Variants in KCNMA1 observed in about 807,000 individuals in gnomAD.
The protein encoded by KCNMA1 is potassium calcium-activated channel subfamily M alpha 1.
A neutral mutation model predicts 140.0 loss-of-function variants in KCNMA1; 29 were observed. That is an observed-to-expected ratio of 0.21 (90% confidence interval 0.15 to 0.28). The LOEUF is 0.28. Ranked by LOEUF, KCNMA1 falls within the 10% of genes least tolerant of loss-of-function variation. The pLI is 1.00. For missense variants in KCNMA1, 880 were observed against 1,602.2 expected, an observed-to-expected ratio of 0.55 and a Z score of 7.70; for synonymous variants, 612 against 611.9, an observed-to-expected ratio of 1.00 and a Z score of 0.00.
chr10:77,578,405 C>T (rs1447590830), intron 1 of KCNMA1, among the ~76,000 whole-genome samples: 1 of 152,162 alleles, frequency 6.6e-6, no homozygotes, highest in Non-Finnish European at 1.5e-5. Context: ...CCTTCTTGGC[C>T]GGAAAATCCC....
At chr10:77,269,418 C>T (rs1167777147) in intron 2 of KCNMA1, among the ~76,000 whole-genome samples, 1 of 152,194 alleles carries the variant, frequency 6.6e-6, no homozygotes, top group Non-Finnish European at 1.5e-5. Flanking sequence ...CCTGCACCCC[C>T]ATCTGCTGTA....
chr10:77,568,284 G>A (rs941282068), intron 1 of KCNMA1, among the ~76,000 whole-genome samples: 6 of 152,164 alleles, frequency 3.9e-5, no homozygotes, highest in South Asian at 2.1e-4. Flanking sequence ...ACAACAAAAA[G>A]AGAGAATTTT....
intron 5 of KCNMA1, among the ~76,000 whole-genome samples, chr10:77,159,522 C>G (rs1053069437): frequency 1.3e-5 from 2 of 152,140 alleles, no homozygotes; most frequent in Non-Finnish European, 2.9e-5. Flanking sequence ...TCTGTTCAGT[C>G]TCAGGTGGAA....
At chr10:77,122,561 A>T (rs1388801448) in intron 5 of KCNMA1, among the ~76,000 whole-genome samples, 1 of 152,126 alleles carries the variant, frequency 6.6e-6, no homozygotes, top group Non-Finnish European at 1.5e-5. Flanking sequence ...AGGGAGAAAA[A>T]AAAAAGATGA....
In KCNMA1 at chr10:77,061,766, T is replaced by C. The variant is rs370216024; in HGVS notation, c.1749+11331A>G. 1.6e-4 allele frequency among the ~76,000 whole-genome samples: 24 copies of C among 152,366 alleles called. No homozygotes were observed. The East Asian group carries it at 2.7e-3, about 17-fold the overall frequency. On this transcript the variant is annotated intron_variant, in intron 14 of 27. Transcript: ENST00000286628. ...TGGAGGAAAACTAAATGGTGTCCAA[T>C]GGATGAATGGATAAACAAACTGGTA...
In KCNMA1 at chr10:76,953,882, G is replaced by A. The variant is rs770872234; in HGVS notation, c.2403C>T (p.Asn801=). 6.2e-7 allele frequency: 1 copy of A among 1,614,040 alleles called. No individual in the cohort carries two copies. Among genetic ancestry groups the A allele is most frequent in the Non-Finnish European group, 8.5e-7 (1 of 1,179,888 alleles). Residue 801 remains asparagine (N), a synonymous_variant, in exon 21 of 28, where the codon AAC becomes AAT. Transcript: ENST00000286628. ...CGTACTTCTTCACATTGGAGTCCAT[G>A]TTGTCAATCTGATCATTGCCAGGAA... The part of the protein sequence containing the change: ...LLIPGNDQID[N]MDSNVKKYDS...
intron 14 of KCNMA1, among the ~76,000 whole-genome samples, chr10:77,053,031 T>G (rs2095426456): frequency 6.6e-6 from 1 of 152,214 alleles, no homozygotes; most frequent in South Asian, 2.1e-4. Context: ...GTTGCATTTC[T>G]AGAATGTTTT....
intron 2 of KCNMA1, among the ~76,000 whole-genome samples, chr10:77,252,595 C>T (rs901954994): frequency 6.6e-6 from 1 of 150,882 alleles, no homozygotes; most frequent in Non-Finnish European, 1.5e-5. Flanking sequence ...GAGACAGAAT[C>T]TCTCTCTTTT....
intron 14 of KCNMA1, among the ~76,000 whole-genome samples, chr10:77,050,567 T>G (rs767640515): frequency 6.6e-6 from 1 of 152,222 alleles, no homozygotes. Context: ...TACTTTGATA[T>G]GCACGTATGT....
At chr10:76,958,140 GT>G (rs1182781832) in intron 20 of KCNMA1, among the ~76,000 whole-genome samples, 1 of 152,158 alleles carries the variant, frequency 6.6e-6, no homozygotes. Context: ...GAATTGGGCC[GT>G]TTGTTGTATG....
chr10:77,088,512 C>T (rs145029116), intron 10 of KCNMA1, among the ~76,000 whole-genome samples: 82 of 152,196 alleles, frequency 5.4e-4, no homozygotes, highest in Admixed American at 1.8e-3. Flanking sequence ...TCACTGCAAC[C>T]TCTGCCTCTC....
intron 1 of KCNMA1, among the ~76,000 whole-genome samples, chr10:77,520,136 A>C (rs73284469): frequency 9.9e-3 from 437 of 43,930 alleles, no homozygotes; most frequent in Middle Eastern, 0.017. Context: ...ATGCAGTGTG[A>C]GGGTGTGCAG....
At chr10:77,476,368 C>A (rs1044474703) in intron 1 of KCNMA1, among the ~76,000 whole-genome samples, 16 of 152,152 alleles carry the variant, frequency 1.1e-4, no homozygotes, top group African/African-American at 3.6e-4. Flanking sequence ...CAATCCACCT[C>A]CCACTCCTGT....
intron 19 of KCNMA1, among the ~76,000 whole-genome samples, chr10:76,985,706 AG>A (rs1312699655): frequency 6.6e-6 from 1 of 152,264 alleles, no homozygotes; most frequent in East Asian, 1.9e-4. Flanking sequence ...GGAATGTGAT[AG>A]GTGACTCTGA....
At chr10:76,977,699 C>T (rs2078090493) in intron 19 of KCNMA1, 1 of 700,914 alleles carries the variant, frequency 1.4e-6, no homozygotes, top group South Asian at 1.5e-5. Context: ...GTGCACAGAT[C>T]TGGGGACATT....
At chr10:77,410,275 G>T (rs377751690) in intron 1 of KCNMA1, among the ~76,000 whole-genome samples, 1 of 152,116 alleles carries the variant, frequency 6.6e-6, no homozygotes, top group African/African-American at 2.4e-5. Flanking sequence ...GCTCTCACCC[G>T]GTTGGACTCT....
At chr10:77,272,635 AAT>A (rs376246850) in intron 2 of KCNMA1, among the ~76,000 whole-genome samples, 3 of 150,652 alleles carry the variant, frequency 2.0e-5, no homozygotes, top group Admixed American at 2.0e-4. Context: ...AAATGAAGTA[AAT>A]ATATATATAT....
At chr10:76,889,860 C>T in intron 26 of KCNMA1, 1 of 448,304 alleles carries the variant, frequency 2.2e-6, no homozygotes, top group Non-Finnish European at 4.1e-6. Flanking sequence ...TTCTCCCTCA[C>T]TTTAAGTCAA....
intron 1 of KCNMA1, among the ~76,000 whole-genome samples, chr10:77,505,939 G>T (rs1413225383): frequency 3.3e-5 from 5 of 152,152 alleles, no homozygotes; most frequent in African/African-American, 4.8e-5. Context: ...GCCTGAACTA[G>T]AAAAGAGACA....
Sources: gnomAD v4.1 joint callset for allele counts (sites outside exome capture counted in the v4.1 genomes callset) on GRCh38, gnomAD v4.1.1 for gene constraint, MANE v1.5 for transcripts, NCBI Gene and HGNC (gene_info 2026-07-23, HGNC 2026-07-21) for gene names.